FBH1: variants seen among roughly 807,000 people sequenced by gnomAD.
FBH1 encodes DNA 3'-5' helicase 1.
In FBH1, 43 loss-of-function variants were observed where a neutral mutation model predicts 115.5. That is an observed-to-expected ratio of 0.37 (90% CI 0.29 to 0.48). FBH1 has a LOEUF of 0.48. Among genes scored for constraint, FBH1 ranks in the 20% least tolerant of loss-of-function variants. FBH1 has a pLI of 0.99. For missense variants in FBH1, 1,001 were observed against 1,337.3 expected, an observed-to-expected ratio of 0.75 and a Z score of 3.92; for synonymous variants, 524 against 507.8, an observed-to-expected ratio of 1.03 and a Z score of -0.43.
In FBH1 at chr10:5,931,032, G is replaced by T. The variant is rs567468228; in HGVS notation, c.2829+3491G>T. On this transcript the variant is annotated intron_variant, in intron 19 of 20. Coordinates refer to ENST00000362091, the MANE Select transcript of FBH1 (RefSeq NM_178150.3). The surrounding 1 kb of genome is among the most constrained non-coding windows in gnomAD (Gnocchi z 4.3). ...CCTACCTCAGCCTCCCAAAGTTCTG[G>T]GATTATAGGTGTGACACCAGGCAAA... Among the ~76,000 whole-genome samples the T allele has an allele frequency of 6.6e-6, 1 of 152,180 alleles. No individual in the cohort carries two copies. Among genetic ancestry groups the T allele is most frequent in the Admixed American group, 6.5e-5 (1 of 15,292 alleles).
At chr10:5,926,122 A>ATTCTTATTC (rs1159508575) in intron 18 of FBH1, among the ~76,000 whole-genome samples, 20 of 148,164 alleles carry the variant, frequency 1.3e-4, no homozygotes, top group South Asian at 2.1e-4. Context: ...TATTCTTCTT[A>ATTCTTATTC]TTATTATTAT....
intron 19 of FBH1, among the ~76,000 whole-genome samples, chr10:5,929,065 C>T (rs1832820692): frequency 6.6e-6 from 1 of 152,130 alleles, no homozygotes; most frequent in Non-Finnish European, 1.5e-5. Flanking sequence ...GTGTTAAGTG[C>T]AGTAGAACCC....
At chr10:5,901,383 C>G (rs978881149) in intron 1 of FBH1, among the ~76,000 whole-genome samples, 3 of 151,924 alleles carry the variant, frequency 2.0e-5, no homozygotes, top group Non-Finnish European at 4.4e-5. Flanking sequence ...GTCTTGAACT[C>G]CTGACCTCAG....
rs1393535890 is a variant in FBH1, at chr10:5,906,120, G to A, written c.241G>A (p.Val81Ile). ...CAATGACATGGCCAAAAGCAATTCT[G>A]TTGGCCAGGACAGCTGTCAGGACTC... ...CTNDMAKSNSVGQDSCQDSEG... is the reference protein window; with the variant it reads ...CTNDMAKSNSIGQDSCQDSEG... The change falls in exon 3 of 21, where the codon GTT (valine) becomes ATT (isoleucine). Residue 81 changes from valine (V) to isoleucine (I), a missense_variant. By Grantham distance (29) the Val-to-Ile change is conservative. This residue lies in a region of FBH1 where 420 missense variants were observed against 430.4 expected (regional missense o/e 0.98). Coordinates refer to ENST00000362091, the MANE Select transcript of FBH1 (RefSeq NM_178150.3). The surrounding 1 kb of genome is among the most constrained non-coding windows in gnomAD (Gnocchi z 7.3). 2 of 1,614,146 alleles carry A rather than the reference G, an allele frequency of 1.2e-6. No homozygotes were observed. The highest frequency in any genetic ancestry group is 2.2e-5 in the East Asian group (1 of 44,870).
chr10:5,895,282 G>T lies in FBH1; in HGVS notation c.1+4936G>T. 7.1e-7 allele frequency: 1 copy of T among 1,403,926 alleles called. No homozygotes were observed. The highest frequency in any genetic ancestry group is 9.6e-7 in the Non-Finnish European group (1 of 1,043,202). 87.0% of individuals were successfully genotyped at this position (1,403,926 alleles called of 1,614,324 possible). ...CCCTCTGTGGATCTTTGTTAAAGTTGGGTATGGTATTGTAGCAGTTTCTCC... is the reference window on the plus strand; with the variant it reads ...CCCTCTGTGGATCTTTGTTAAAGTTTGGTATGGTATTGTAGCAGTTTCTCC... On this transcript the variant is annotated intron_variant, in intron 1 of 20. Coordinates refer to ENST00000362091, the MANE Select transcript of FBH1 (RefSeq NM_178150.3). This position sits in a 1 kb window ranked among gnomAD's most constrained non-coding sequence, Gnocchi z 5.0.
chr10:5,892,434 C>T (rs1470154482), intron 1 of FBH1, among the ~76,000 whole-genome samples: 1 of 152,154 alleles, frequency 6.6e-6, no homozygotes, highest in Non-Finnish European at 1.5e-5. Flanking sequence ...TTATCTCATT[C>T]CTCTATCCCT....
rs573766504 is a variant in FBH1, at chr10:5,917,907, C to T, written c.1963+231C>T. 4.1e-4 allele frequency among the ~76,000 whole-genome samples: 63 copies of T among 152,262 alleles called. No homozygotes were observed. Among genetic ancestry groups the T allele is most frequent in the African/African-American group, 1.4e-3 (60 of 41,554 alleles). On this transcript the variant is annotated intron_variant, in intron 12 of 20. Transcript: ENST00000362091. This position sits in a 1 kb window ranked among gnomAD's most constrained non-coding sequence, Gnocchi z 5.6. ...TTAACATGTTGACCAAGTTGTAGAC[C>T]AGCAGACGACAGGGACCTAGACTCA...
Position 5,924,417 on chromosome 10 carries a change from C to T in FBH1, c.2505C>T (p.Ala835=). 1 of 1,614,090 alleles carries T rather than the reference C, an allele frequency of 6.2e-7. No individual in the cohort carries two copies. Among genetic ancestry groups the T allele is most frequent in the Non-Finnish European group, 8.5e-7 (1 of 1,180,012 alleles). Residue 835 remains alanine (A), a synonymous_variant, in exon 17 of 21, where the codon GCC becomes GCT. Coordinates refer to ENST00000362091, the MANE Select transcript of FBH1 (RefSeq NM_178150.3). The surrounding 1 kb of genome is among the most constrained non-coding windows in gnomAD (Gnocchi z 6.2). Reference sequence around the variant, plus strand: ...CTGCCGAGGACAAGGAGCTTGAAGCCAAGATCGCAGTTGTTGAAAAGTATA... The same window carrying T: ...CTGCCGAGGACAAGGAGCTTGAAGCTAAGATCGCAGTTGTTGAAAAGTATA... The part of the protein sequence containing the change: ...VTAAEDKELE[A]KIAVVEKYNI...
rs1589082065 is a variant in FBH1 at position 5,913,631 on chromosome 10, G to A, written c.1212-116G>A. 11 of 659,506 alleles carry A rather than the reference G, an allele frequency of 1.7e-5. No homozygotes were observed. The highest frequency in any genetic ancestry group is 2.5e-5 in the Non-Finnish European group (10 of 394,626). The allele number at this position is 659,506 out of a possible 1,614,324, so 40.9% of individuals were successfully genotyped here. A position where few individuals can be genotyped will look rare whatever the true frequency, so the allele number is the denominator to read the frequency against. ...TTTTCTTTCTTTTTTCCATTAAATG[G>A]TGGTAGGTATTTTCTTTTTAGAAAT... is the stretch of plus-strand genomic sequence containing the variant. On this transcript the variant is annotated intron_variant, in intron 6 of 20. Coordinates refer to ENST00000362091, the MANE Select transcript of FBH1 (RefSeq NM_178150.3). The surrounding 1 kb of genome is among the most constrained non-coding windows in gnomAD (Gnocchi z 4.4).
chr10:5,891,623 A>T (rs571291258), intron 1 of FBH1, among the ~76,000 whole-genome samples: 2 of 152,058 alleles, frequency 1.3e-5, no homozygotes, highest in Non-Finnish European at 2.9e-5. Flanking sequence ...ATATATATAT[A>T]TTTTGAGACA....
intron 13 of FBH1, among the ~76,000 whole-genome samples, chr10:5,920,940 G>T (rs1429871387): frequency 1.3e-5 from 2 of 152,108 alleles, no homozygotes; most frequent in African/African-American, 4.8e-5. Context: ...GTGTGGAGAG[G>T]GATCTCAAAG....
At position 5,895,224 on chromosome 10, in the gene FBH1, C is replaced by T; in HGVS notation, c.1+4878C>T. ...GTGGGAAACTGACCAGGGCGGTTAG[C>T]TGACTCCAAAATTGTCCAGATTAGC... On this transcript the variant is annotated intron_variant, in intron 1 of 20. Coordinates refer to ENST00000362091, the MANE Select transcript of FBH1 (RefSeq NM_178150.3). The surrounding 1 kb of genome is among the most constrained non-coding windows in gnomAD (Gnocchi z 5.0). The T allele has an allele frequency of 6.3e-7, 1 of 1,589,968 alleles. No homozygotes were observed. The highest frequency in any genetic ancestry group is 8.6e-7 in the Non-Finnish European group (1 of 1,164,578).
chr10:5,909,217 C>A lies in FBH1; in HGVS notation c.943C>A (p.Leu315Met). The change falls in exon 5 of 21, where the codon CTG (leucine) becomes ATG (methionine). Residue 315 changes from leucine (L) to methionine (M), a missense_variant. By Grantham distance (15) the Leu-to-Met change is conservative. This residue lies in a region of FBH1 where 420 missense variants were observed against 430.4 expected (regional missense o/e 0.98). Coordinates refer to ENST00000362091, the MANE Select transcript of FBH1 (RefSeq NM_178150.3). This position sits in a 1 kb window ranked among gnomAD's most constrained non-coding sequence, Gnocchi z 4.4. ...GGATCCCGAGAGGGTGCTGTGGAGT[C>A]TGAGGGACCACCCCCTCCTCCCCGA... ...SVDPERVLWSLRDHPLLPEAE... is the reference protein window; with the variant it reads ...SVDPERVLWSMRDHPLLPEAE... 6.2e-7 allele frequency: 1 copy of A among 1,612,942 alleles called. No homozygotes were observed. The highest frequency in any genetic ancestry group is 1.3e-5 in the African/African-American group (1 of 74,800).
At position 5,917,629 on chromosome 10, in the gene FBH1, C is replaced by T; in HGVS notation, c.1916C>T (p.Ala639Val). 13 of 1,614,140 alleles carry T rather than the reference C, an allele frequency of 8.1e-6. No individual in the cohort carries two copies. The highest frequency in any genetic ancestry group is 1.1e-5 in the Non-Finnish European group (13 of 1,180,030). Residue 639 changes from alanine (A) to valine (V), a missense_variant, in exon 12 of 21, where the codon GCC (alanine) becomes GTC (valine). By Grantham distance (64) the Ala-to-Val change is moderately conservative. Coordinates refer to ENST00000362091, the MANE Select transcript of FBH1 (RefSeq NM_178150.3). The surrounding 1 kb of genome is among the most constrained non-coding windows in gnomAD (Gnocchi z 5.6). Reference protein sequence around the residue: ...KLWQLSKPSLASFDAIFVDEA... With the variant: ...KLWQLSKPSLVSFDAIFVDEA... The stretch of plus-strand genomic sequence containing the variant: ...TGGCAGCTGAGCAAGCCTTCGCTGG[C>T]CTCTTTTGACGCCATCTTTGTGGAT...
At position 5,909,154 on chromosome 10, in the gene FBH1, T is replaced by C. The variant is rs374780205; in HGVS notation, c.885-5T>C. 3 of 1,613,558 alleles carry C rather than the reference T, an allele frequency of 1.9e-6. No homozygotes were observed. Among genetic ancestry groups the C allele is most frequent in the Non-Finnish European group, 2.5e-6 (3 of 1,179,994 alleles). On this transcript the variant is annotated splice_polypyrimidine_tract_variant and splice_region_variant and intron_variant, in intron 4 of 20. Transcript: ENST00000362091. The surrounding 1 kb of genome is among the most constrained non-coding windows in gnomAD (Gnocchi z 4.4). ...CTCATGGCCTCTCCTGTGAATGTCT[T>C]ACAGATACACAGCCACCACTAAGTG...
rs980151973 is a variant in FBH1 at position 5,900,933 on chromosome 10, C to A, written c.2-2087C>A. Among the ~76,000 whole-genome samples the A allele has an allele frequency of 1.3e-5, 2 of 151,974 alleles. No individual in the cohort carries two copies. Among genetic ancestry groups the A allele is most frequent in the African/African-American group, 2.4e-5 (1 of 41,350 alleles). ...CCAACATAGTAAAACCCCGTCTCTA[C>A]TAAAGATACAAAAGTTAGCTGGGTG... On this transcript the variant is annotated intron_variant, in intron 1 of 20. Coordinates refer to ENST00000362091, the MANE Select transcript of FBH1 (RefSeq NM_178150.3). This position sits in a 1 kb window ranked among gnomAD's most constrained non-coding sequence, Gnocchi z 4.2.
chr10:5,907,654 A>ACC (rs1460303578), intron 3 of FBH1, among the ~76,000 whole-genome samples: 127 of 151,968 alleles, frequency 8.4e-4, no homozygotes, highest in Non-Finnish European at 1.4e-3. Flanking sequence ...TTGTATTTTT[A>ACC]GGAGAGATAG....
At chr10:5,916,205 G>A (rs371379647) in intron 9 of FBH1, 29 bp from the exon 10 acceptor site, 16 of 1,600,420 alleles carry the variant, frequency 1.0e-5, no homozygotes, top group Middle Eastern at 1.7e-4. Context: ...GGAGAGCCAC[G>A]TGCTGTTCAT....
Position 5,906,951 on chromosome 10 carries a change from A to C in FBH1, c.753+319A>C, listed in dbSNP as rs572510123. ...CTTCCCCACCTGGAGGGTTCCTCAT[A>C]TCTCCCTTGACTTCTTTTTTTTTTT... On this transcript the variant is annotated intron_variant, in intron 3 of 20. Coordinates refer to ENST00000362091, the MANE Select transcript of FBH1 (RefSeq NM_178150.3). This position sits in a 1 kb window ranked among gnomAD's most constrained non-coding sequence, Gnocchi z 7.3. Among the ~76,000 whole-genome samples, 18 of 146,276 alleles carry C rather than the reference A, an allele frequency of 1.2e-4. No individual in the cohort carries two copies. Among genetic ancestry groups the C allele is most frequent in the African/African-American group, 4.3e-4 (17 of 39,686 alleles).
Sources: gnomAD v4.1 joint callset for allele counts (sites outside exome capture counted in the v4.1 genomes callset) on GRCh38, gnomAD v4.1.1 for gene constraint, gnomAD v4.1.1 regional missense constraint, Gnocchi (gnomAD v3.1) non-coding constraint, MANE v1.5 for transcripts, NCBI Gene and HGNC (gene_info 2026-07-23, HGNC 2026-07-21) for gene names.